Variants in TNN observed in about 807,000 individuals in gnomAD.
The protein encoded by TNN is tenascin-N.
In TNN, 122 loss-of-function variants were observed where a neutral mutation model predicts 134.4. That is an observed-to-expected ratio of 0.91 (90% CI 0.78 to 1.06). TNN has a LOEUF of 1.06. Ranked by LOEUF, TNN falls within the 50% of genes least tolerant of loss-of-function variation. The pLI, the probability that TNN is intolerant of heterozygous loss-of-function variation, is 0.00. For synonymous variants in TNN, 710 were observed against 670.3 expected (o/e 1.06, Z -0.91); for missense variants, 1,739 against 1,699.4 (o/e 1.02, Z -0.41).
chr1:175,098,339 C>G lies in TNN; in HGVS notation c.1863C>G (p.Asp621Glu), dbSNP rs1169710888. 6.2e-7 allele frequency: 1 copy of G among 1,614,158 alleles called. No homozygotes were observed. The highest frequency in any genetic ancestry group is 1.7e-5 in the Admixed American group (1 of 60,026). ...KADTNAPTDI[D>E]SPKNLVTDRV... ...CAAACATTTTCCTTCCAGATATTGA[C>G]AGCCCCAAAAACCTGGTGACTGACC... Residue 621 changes from aspartate to glutamate, a missense_variant, in exon 9 of 19, where the codon GAC becomes GAG. Coordinates refer to ENST00000239462, the MANE Select transcript of TNN (RefSeq NM_022093.2).
At chr1:175,094,332 C>T in intron 7 of TNN, 79 bp downstream of exon 7, 3 of 1,375,356 alleles carry the variant, frequency 2.2e-6, no homozygotes, top group Non-Finnish European at 2.9e-6. Context: ...GGTCATTGCT[C>T]ACCTGGCATC....
At chr1:175,084,371 T>A (rs1267046294) in intron 5 of TNN, among the ~76,000 whole-genome samples, 1 of 149,634 alleles carries the variant, frequency 6.7e-6, no homozygotes, top group Non-Finnish European at 1.5e-5. Flanking sequence ...TGTTGGGGGA[T>A]GTGGAGGGGG....
chr1:175,140,432 C>T (rs1488000127), intron 17 of TNN, among the ~76,000 whole-genome samples: 7 of 152,230 alleles, frequency 4.6e-5, no homozygotes, highest in Non-Finnish European at 8.8e-5. Context: ...GCCTCCTGGT[C>T]AGGAACCTCA....
chr1:175,088,064 C>T (rs1051791220), intron 6 of TNN, among the ~76,000 whole-genome samples: 74 of 152,210 alleles, frequency 4.9e-4, no homozygotes, highest in Non-Finnish European at 8.1e-4. Context: ...AACCAGGAAG[C>T]ACTCTGAACC....
chr1:175,096,431 T>C (rs1674572224), intron 7 of TNN, among the ~76,000 whole-genome samples: 1 of 152,130 alleles, frequency 6.6e-6, no homozygotes, highest in Non-Finnish European at 1.5e-5. Context: ...TGAACTTTGC[T>C]CCCTAGGGTG....
chr1:175,082,164 T>C (rs1242956324), intron 4 of TNN, among the ~76,000 whole-genome samples: 1 of 152,144 alleles, frequency 6.6e-6, no homozygotes, highest in African/African-American at 2.4e-5. Context: ...TTTCCCCATT[T>C]TGTCTGTGGC....
intron 9 of TNN, among the ~76,000 whole-genome samples, chr1:175,114,850 A>C (rs1675121122): frequency 6.6e-6 from 1 of 152,078 alleles, no homozygotes; most frequent in South Asian, 2.1e-4. Flanking sequence ...CCTAGGGGTG[A>C]GGAATTGTGT....
intron 17 of TNN, among the ~76,000 whole-genome samples, chr1:175,137,480 T>C (rs10912894): frequency 0.26 from 39,050 of 151,940 alleles, 6,064 homozygotes; most frequent in East Asian, 0.43. Flanking sequence ...GTCTCATTAA[T>C]TTAATTCAAC....
chr1:175,144,789 G>T (rs545523994), intron 18 of TNN, among the ~76,000 whole-genome samples: 2 of 152,388 alleles, frequency 1.3e-5, no homozygotes, highest in South Asian at 4.1e-4. Flanking sequence ...TGCGGGAAAA[G>T]CTTGGGCTGC....
intron 18 of TNN, 115 bp from the exon 19 acceptor site, chr1:175,146,816 G>A (rs918379816): frequency 4.8e-5 from 49 of 1,025,484 alleles, no homozygotes; most frequent in African/African-American, 8.1e-5. Context: ...CCTGAGCAGA[G>A]AGGGAGTGGT....
chr1:175,087,478 T>C lies in TNN; in HGVS notation c.1324+1984T>C, dbSNP rs538558392. On this transcript the variant is annotated intron_variant, in intron 6 of 18. Transcript: ENST00000239462. ...TAACTCAGCTTTCAGCTTTATTTTT[T>C]CCTTTTGGCAGAGTGAATTGGGGTC... is the stretch of plus-strand genomic sequence containing the variant. Among the ~76,000 whole-genome samples, 469 of 152,368 alleles carry C rather than the reference T, an allele frequency of 3.1e-3. 2 individuals are homozygous for C. The highest frequency in any genetic ancestry group is 4.4e-3 in the Non-Finnish European group (296 of 68,024).
chr1:175,109,542 T>C (rs146470809), intron 9 of TNN, among the ~76,000 whole-genome samples: 3,506 of 152,152 alleles, frequency 0.023, 137 homozygotes, highest in African/African-American at 0.08. Context: ...AATGTTTGTG[T>C]TTCTGTGCCT....
intron 6 of TNN, among the ~76,000 whole-genome samples, chr1:175,092,860 C>G (rs998823707): frequency 6.6e-6 from 1 of 152,194 alleles, no homozygotes; most frequent in Non-Finnish European, 1.5e-5. Flanking sequence ...ATTATGACAG[C>G]CTTACCTTTG....
chr1:175,077,588 A>T lies in TNN; in HGVS notation c.170A>T (p.Gln57Leu). Residue 57 changes from glutamine (Q) to leucine (L), a missense_variant, in exon 2 of 19, where the codon CAG (glutamine) becomes CTG (leucine). Transcript: ENST00000239462. Reference sequence around the variant, plus strand: ...GATGTGCCCAAGTCTGCCTTGGTTCAGGTTGACGCTGACCCTCAGCCCCTC... The same window carrying T: ...GATGTGCCCAAGTCTGCCTTGGTTCTGGTTGACGCTGACCCTCAGCCCCTC... ...KIDVPKSALV[Q>L]VDADPQPLSD... 6.2e-7 allele frequency: 1 copy of T among 1,614,214 alleles called. No homozygotes were observed.
At chr1:175,106,925 A>G (rs923064807) in intron 9 of TNN, among the ~76,000 whole-genome samples, 3 of 145,928 alleles carry the variant, frequency 2.1e-5, no homozygotes, top group Non-Finnish European at 4.6e-5. Context: ...CCCGCTAGTC[A>G]CTTTTAAATG....
chr1:175,127,905 G>A (rs1675571761), intron 13 of TNN, 127 bp from the exon 14 acceptor site: 16 of 1,164,892 alleles, frequency 1.4e-5, no homozygotes, highest in South Asian at 6.8e-5. Flanking sequence ...CTGAGGCTTC[G>A]GAGAGACAAA....
At chr1:175,090,397 T>C (rs34731331) in intron 6 of TNN, among the ~76,000 whole-genome samples, 42,927 of 152,014 alleles carry the variant, frequency 0.28, 6,175 homozygotes, top group South Asian at 0.33. Flanking sequence ...TATTGTGGTC[T>C]CAAGGCACCT....
chr1:175,130,387 G>C (rs766246480), intron 15 of TNN, among the ~76,000 whole-genome samples: 1 of 152,170 alleles, frequency 6.6e-6, no homozygotes, highest in South Asian at 2.1e-4. Context: ...GGAAATTCCC[G>C]ATTGATTTAT....
At chr1:175,137,832 A>G (rs891998356) in intron 17 of TNN, among the ~76,000 whole-genome samples, 1 of 152,236 alleles carries the variant, frequency 6.6e-6, no homozygotes, top group African/African-American at 2.4e-5. Context: ...GACCGACTGT[A>G]TAAGACATGG....
Sources: gnomAD v4.1 joint callset for allele counts (sites outside exome capture counted in the v4.1 genomes callset) on GRCh38, gnomAD v4.1.1 for gene constraint, MANE v1.5 for transcripts, NCBI Gene and HGNC (gene_info 2026-07-23, HGNC 2026-07-21) for gene names.